The following PRPSAP1 variants were observed in gnomAD, a reference collection of about 807,000 sequenced individuals.
PRPSAP1 encodes phosphoribosyl pyrophosphate synthase-associated protein 1.
Under a neutral mutation model 39.4 loss-of-function variants are expected in PRPSAP1, and 31 were observed. That is an observed-to-expected ratio of 0.79 (90% confidence interval 0.59 to 1.06). The LOEUF (loss-of-function observed/expected upper bound fraction) is 1.06. PRPSAP1 is among the 50% of genes least tolerant of loss of function. The probability of loss-of-function intolerance (pLI) is 0.00; values close to 1 mark genes in which losing one functional copy is unlikely to be tolerated. For missense variants in PRPSAP1, 430 were observed against 511.6 expected (o/e 0.84, Z 1.54); for synonymous variants, 212 against 192.6 (o/e 1.10, Z -0.83).
At chr17:76,345,987 G>A (rs2071496667) in intron 2 of PRPSAP1, 20 of 475,642 alleles carry the variant, frequency 4.2e-5, no homozygotes, top group South Asian at 3.0e-4. Flanking sequence ...GCAAAGAAGG[G>A]AGAGAAGGTA....
chr17:76,324,686 C>T (rs142519634), intron 7 of PRPSAP1, among the ~76,000 whole-genome samples: 46 of 152,124 alleles, frequency 3.0e-4, no homozygotes, highest in Admixed American at 5.9e-4. Context: ...AGGCAAACTT[C>T]GTTGTTTTAA....
intron 7 of PRPSAP1, among the ~76,000 whole-genome samples, chr17:76,323,820 C>T (rs775823721): frequency 5.3e-5 from 8 of 151,842 alleles, no homozygotes; most frequent in Non-Finnish European, 1.2e-4. Flanking sequence ...AACACAGTGG[C>T]AGGGTTTGAG....
At position 76,353,620 on chromosome 17, in the gene PRPSAP1, C is replaced by CGGCGGGGGAACGGGGCGGG; in HGVS notation, c.65_83dup (p.Ala29ProfsTer40). On this transcript the variant is annotated frameshift_variant, in exon 1 of 10. Coordinates refer to ENST00000446526, the MANE Select transcript of PRPSAP1 (RefSeq NM_002766.3). LOFTEE classifies it high-confidence loss of function. Reference sequence around the variant, plus strand: ...AGCCGGTGCGAGCGGCGTTCATGGCCGGCGGGGGAACGGGGCGGGCGCGCG... The same window carrying CGGCGGGGGAACGGGGCGGG: ...AGCCGGTGCGAGCGGCGTTCATGGCCGGCGGGGGAACGGGGCGGGGGCGGGGGAACGGGGCGGGCGCGCG... 1 of 1,552,406 alleles carries CGGCGGGGGAACGGGGCGGG rather than the reference C, an allele frequency of 6.4e-7. No individual in the cohort carries two copies. The highest frequency in any genetic ancestry group is 8.7e-7 in the Non-Finnish European group (1 of 1,154,804).
chr17:76,353,889 C>G lies in PRPSAP1; in HGVS notation c.-186G>C, dbSNP rs894259434. ...TACAGCGGCCGAGCCTTCGCAGCGC[C>G]CGGCGCCGCCGCCTCAGAGCCAGAG... On this transcript the variant is annotated 5_prime_UTR_variant, in exon 1 of 10. Coordinates refer to ENST00000446526, the MANE Select transcript of PRPSAP1 (RefSeq NM_002766.3). The G allele has an allele frequency of 6.1e-6, 8 of 1,316,094 alleles. No individual in the cohort carries two copies. The highest frequency in any genetic ancestry group is 7.7e-6 in the Non-Finnish European group (8 of 1,037,168). The allele number at this position is 1,316,094 out of a possible 1,614,324, so 81.5% of individuals were successfully genotyped here. A position where few individuals can be genotyped will look rare whatever the true frequency, so the allele number is the denominator to read the frequency against.
rs1200431185 is a variant in PRPSAP1 at position 76,334,273 on chromosome 17, C to A, written c.291-1838G>T. On this transcript the variant is annotated intron_variant, in intron 3 of 9. Coordinates refer to ENST00000446526, the MANE Select transcript of PRPSAP1 (RefSeq NM_002766.3). ...GCAGCAGGTTCTTCAGGTACCAGTTCTTGAACAATTATCAGCTCTACACTG... is the reference window on the plus strand; with the variant it reads ...GCAGCAGGTTCTTCAGGTACCAGTTATTGAACAATTATCAGCTCTACACTG... 3.3e-5 allele frequency among the ~76,000 whole-genome samples: 5 copies of A among 151,948 alleles called. No homozygotes were observed. In the East Asian group the frequency reaches 5.8e-4, roughly 18 times the overall value.
At chr17:76,351,958 A>G (rs1409393251) in intron 1 of PRPSAP1, among the ~76,000 whole-genome samples, 1 of 152,126 alleles carries the variant, frequency 6.6e-6, no homozygotes, top group Non-Finnish European at 1.5e-5. Context: ...CGTTGGCCTC[A>G]GAAAGAAAGA....
At chr17:76,321,098 T>G (rs1210220171) in intron 7 of PRPSAP1, among the ~76,000 whole-genome samples, 1 of 152,146 alleles carries the variant, frequency 6.6e-6, no homozygotes, top group Non-Finnish European at 1.5e-5. Flanking sequence ...GCCATTTTTC[T>G]AACAGCATGT....
intron 3 of PRPSAP1, among the ~76,000 whole-genome samples, chr17:76,341,710 C>T (rs1567808022): frequency 2.0e-5 from 3 of 152,302 alleles, no homozygotes; most frequent in Non-Finnish European, 4.4e-5. Flanking sequence ...GAGGCCGAGG[C>T]AGGCGGATCA....
chr17:76,332,892 A>AT lies in PRPSAP1; in HGVS notation c.291-458dup, dbSNP rs1386737477. On this transcript the variant is annotated intron_variant, in intron 3 of 9. Transcript: ENST00000446526. Reference sequence around the variant, plus strand: ...GAGTGTGGGGAGGTCTTGGAATATAATTTTTTTTTTTTTTTTTTGAGACGG... The same window carrying AT: ...GAGTGTGGGGAGGTCTTGGAATATAATTTTTTTTTTTTTTTTTTTGAGACGG... Among the ~76,000 whole-genome samples, 686 of 139,186 alleles carry AT rather than the reference A, an allele frequency of 4.9e-3. 4 individuals are homozygous for AT. The highest frequency in any genetic ancestry group is 0.01 in the African/African-American group (390 of 37,926). 91.3% of individuals were successfully genotyped at this position (139,186 alleles called of 152,430 possible). A position where few individuals can be genotyped will look rare whatever the true frequency, so the allele number is the denominator to read the frequency against.
chr17:76,340,959 G>A (rs1449257695), intron 3 of PRPSAP1, among the ~76,000 whole-genome samples: 1 of 151,056 alleles, frequency 6.6e-6, no homozygotes, highest in Non-Finnish European at 1.5e-5. Flanking sequence ...ACTGGTCCCT[G>A]GTGCCAAAAA....
At chr17:76,328,178 T>A in intron 7 of PRPSAP1, among the ~76,000 whole-genome samples, 1 of 134,896 alleles carries the variant, frequency 7.4e-6, no homozygotes, top group South Asian at 2.4e-4. Flanking sequence ...CAGGGGGAGA[T>A]CCTTTCTCAA....
intron 1 of PRPSAP1, among the ~76,000 whole-genome samples, chr17:76,350,727 C>CA (rs1453770452): frequency 4.6e-5 from 7 of 152,100 alleles, no homozygotes; most frequent in African/African-American, 1.7e-4. Flanking sequence ...CTGAAGTGTA[C>CA]ACTTAAAAAT....
intron 7 of PRPSAP1, among the ~76,000 whole-genome samples, chr17:76,315,331 T>C (rs938822062): frequency 3.8e-4 from 58 of 152,280 alleles, no homozygotes; most frequent in African/African-American, 1.3e-3. Flanking sequence ...ATTAGGCTAG[T>C]AGTGGGGGAA....
Position 76,328,733 on chromosome 17 carries a change from T to A in PRPSAP1, c.765A>T (p.Pro255=). 6.2e-7 allele frequency: 1 copy of A among 1,614,102 alleles called. No individual in the cohort carries two copies. The change falls in exon 7 of 10, where the codon CCA becomes CCT. Residue 255 remains proline, a synonymous_variant. Transcript: ENST00000446526. The part of the protein sequence containing the change: ...PPMVKNATVH[P]GLELPLMMAK... ...TCATCTTACATGGCAACTCCAGGCC[T>A]GGGTGCACAGTAGCATTTTTGACCA...
chr17:76,335,599 A>C (rs388502), intron 3 of PRPSAP1, among the ~76,000 whole-genome samples: 127,592 of 151,946 alleles, frequency 0.84, 53,898 homozygotes, highest in African/African-American at 0.93. Context: ...AGGTGATCCA[A>C]CCGCCTCGGC....
intron 3 of PRPSAP1, among the ~76,000 whole-genome samples, chr17:76,336,316 T>C (rs1380602492): frequency 5.9e-5 from 9 of 151,718 alleles, no homozygotes; most frequent in Non-Finnish European, 5.9e-5. Flanking sequence ...CAGGTGCCTG[T>C]AATCCCAGCT....
chr17:76,353,258 G>A, intron 1 of PRPSAP1: 2 of 421,408 alleles, frequency 4.7e-6, no homozygotes, highest in Non-Finnish European at 8.5e-6. Flanking sequence ...CCCGCCCCGG[G>A]GTGTGGGACT....
At chr17:76,324,152 AAAAG>A (rs1598522809) in intron 7 of PRPSAP1, among the ~76,000 whole-genome samples, 1 of 151,576 alleles carries the variant, frequency 6.6e-6, no homozygotes, top group African/African-American at 2.4e-5. Context: ...AAAAAAAAAA[AAAAG>A]AAAGTAGTTC....
Position 76,314,211 on chromosome 17 carries a change from T to C in PRPSAP1, c.782-320A>G, listed in dbSNP as rs150652969. ...TGTAACTGATATAAAAATGTATGTA[T>C]GTATGTATGTATGTATGTATTTTTT... is the stretch of plus-strand genomic sequence containing the variant. On this transcript the variant is annotated intron_variant, in intron 7 of 9. Transcript: ENST00000446526. The C allele has an allele frequency of 7.2e-3, 2,083 of 289,228 alleles. 79 individuals carry two copies. Among genetic ancestry groups the C allele is most frequent in the East Asian group, 0.061 (716 of 11,814 alleles). The allele number at this position is 289,228 out of a possible 1,614,324, so 17.9% of individuals were successfully genotyped here. A position where few individuals can be genotyped will look rare whatever the true frequency, so the allele number is the denominator to read the frequency against.
Sources: gnomAD v4.1 joint callset for allele counts (sites outside exome capture counted in the v4.1 genomes callset) on GRCh38, gnomAD v4.1.1 for gene constraint, MANE v1.5 for transcripts, NCBI Gene and HGNC (gene_info 2026-07-23, HGNC 2026-07-21) for gene names.